Variants in BNIP3L observed in about 807,000 individuals in gnomAD.
BNIP3L encodes BCL2 interacting protein 3 like.
BNIP3L carries 10 observed loss-of-function variants against 25.5 expected under a neutral mutation model. The observed-to-expected ratio is 0.39, with a 90% CI of 0.24 to 0.67. The LOEUF is 0.67. BNIP3L is among the 30% of genes least tolerant of loss of function. BNIP3L has a pLI of 0.45. For missense variants in BNIP3L, 215 were observed against 270.9 expected (o/e 0.79, Z 1.45); for synonymous variants, 113 against 101.2 (o/e 1.12, Z -0.70).
Position 26,383,076 on chromosome 8 carries a change from G to C in BNIP3L, c.-55G>C, listed in dbSNP as rs572496113. 9 of 1,479,828 alleles carry C rather than the reference G, an allele frequency of 6.1e-6. No homozygotes were observed. The highest frequency in any genetic ancestry group is 4.8e-5 in the South Asian group (4 of 82,626). 91.7% of individuals were successfully genotyped at this position (1,479,828 alleles called of 1,614,324 possible). A position where few individuals can be genotyped will look rare whatever the true frequency, so the allele number is the denominator to read the frequency against. ...GGCGGACTCGGCTTGTTGTGTTGCT[G>C]CCTGAGTGCCGGAGACGGTCCTGCT... On this transcript the variant is annotated 5_prime_UTR_variant, in exon 1 of 6. Transcript: ENST00000380629.
chr8:26,407,940 CTTTGTA>C lies in BNIP3L; in HGVS notation c.358-57_358-52del, dbSNP rs1806536562. ...TGGTATCTTTTCTGTCTAGATTTTTCTTTGTATTAGGAGGAATTGGTCTTCCTTTTT... is the reference window on the plus strand; with the variant it reads ...TGGTATCTTTTCTGTCTAGATTTTTCTTAGGAGGAATTGGTCTTCCTTTTT... On this transcript the variant is annotated intron_variant, in intron 3 of 5. Coordinates refer to ENST00000380629, the MANE Select transcript of BNIP3L (RefSeq NM_004331.3). The C allele has an allele frequency of 3.7e-5, 54 of 1,454,294 alleles. No homozygotes were observed. The South Asian group carries it at 6.0e-4, about 16-fold the overall frequency. 90.1% of individuals were successfully genotyped at this position (1,454,294 alleles called of 1,614,324 possible). A position where few individuals can be genotyped will look rare whatever the true frequency, so the allele number is the denominator to read the frequency against.
chr8:26,408,455 G>A (rs1806547907), intron 5 of BNIP3L, 79 bp downstream of exon 5: 2 of 1,479,836 alleles, frequency 1.4e-6, no homozygotes, highest in Non-Finnish European at 1.8e-6. Flanking sequence ...GTATGTGAAA[G>A]CAGTTTTTAT....
chr8:26,403,531 CTTT>C (rs74738100), intron 3 of BNIP3L, among the ~76,000 whole-genome samples: 60 of 124,158 alleles, frequency 4.8e-4, no homozygotes, highest in Non-Finnish European at 5.8e-4. Flanking sequence ...TACTCAGTTT[CTTT>C]TTTTTTTTTT....
intron 3 of BNIP3L, among the ~76,000 whole-genome samples, chr8:26,398,957 G>A (rs1806309203): frequency 6.6e-6 from 1 of 151,200 alleles, no homozygotes; most frequent in Non-Finnish European, 1.5e-5. Flanking sequence ...TCCAGGACCA[G>A]ATGGATTCAC....
intron 5 of BNIP3L, among the ~76,000 whole-genome samples, chr8:26,409,047 C>G (rs924718064): frequency 4.6e-5 from 7 of 150,710 alleles, no homozygotes; most frequent in African/African-American, 1.7e-4. Context: ...AGTGCAAATA[C>G]CTTTTTTTCA....
At chr8:26,410,168 A>G (rs6995050) in intron 5 of BNIP3L, among the ~76,000 whole-genome samples, 196 bp from the exon 6 acceptor site, 2,784 of 152,254 alleles carry the variant, frequency 0.018, 104 homozygotes, top group African/African-American at 0.064. Flanking sequence ...ACAAACTCAT[A>G]TAAAACCAGT....
chr8:26,388,293 C>T lies in BNIP3L; in HGVS notation c.101-2950C>T, dbSNP rs140926277. On this transcript the variant is annotated intron_variant, in intron 1 of 5. Coordinates refer to ENST00000380629, the MANE Select transcript of BNIP3L (RefSeq NM_004331.3). The stretch of plus-strand genomic sequence containing the variant: ...CTTAGGGACCTTTCTTATTGTTCTG[C>T]GTGCTATATTCATTTAATCCTCCTA... 2.0e-5 allele frequency among the ~76,000 whole-genome samples: 3 copies of T among 152,240 alleles called. No individual in the cohort carries two copies. In the East Asian group the frequency reaches 5.8e-4, roughly 29 times the overall value.
At chr8:26,406,827 A>AG (rs1451857485) in intron 3 of BNIP3L, among the ~76,000 whole-genome samples, 4 of 152,036 alleles carry the variant, frequency 2.6e-5, no homozygotes, top group Non-Finnish European at 5.9e-5. Flanking sequence ...AAAAAAAAAA[A>AG]AATGCATGTA....
intron 3 of BNIP3L, among the ~76,000 whole-genome samples, chr8:26,400,673 A>G (rs1473082043): frequency 9.2e-6 from 1 of 108,992 alleles, no homozygotes; most frequent in African/African-American, 3.6e-5. Flanking sequence ...TCATCTGACA[A>G]AGGGCTAATA....
At chr8:26,395,094 A>C in intron 2 of BNIP3L, 136 bp from the exon 3 acceptor site, 3 of 716,514 alleles carry the variant, frequency 4.2e-6, no homozygotes, top group Non-Finnish European at 6.5e-6. Flanking sequence ...TTTCTTGTAT[A>C]GGGTTATGAT....
intron 3 of BNIP3L, among the ~76,000 whole-genome samples, chr8:26,404,190 C>G (rs1266748577): frequency 6.6e-6 from 1 of 152,186 alleles, no homozygotes; most frequent in Non-Finnish European, 1.5e-5. Context: ...AGAAAACAGA[C>G]TGTAGATTGT....
rs572496113 is a variant in BNIP3L at position 26,383,076 on chromosome 8, G to T, written c.-55G>T. On this transcript the variant is annotated 5_prime_UTR_variant, in exon 1 of 6. Transcript: ENST00000380629. ...GGCGGACTCGGCTTGTTGTGTTGCT[G>T]CCTGAGTGCCGGAGACGGTCCTGCT... is the stretch of plus-strand genomic sequence containing the variant. 1.1e-4 allele frequency: 164 copies of T among 1,479,946 alleles called. No homozygotes were observed. The highest frequency in any genetic ancestry group is 1.4e-4 in the Non-Finnish European group (149 of 1,088,084). The allele number at this position is 1,479,946 out of a possible 1,614,324, so 91.7% of individuals were successfully genotyped here.
chr8:26,404,759 C>T (rs1044724025), intron 3 of BNIP3L, among the ~76,000 whole-genome samples: 17 of 152,224 alleles, frequency 1.1e-4, no homozygotes, highest in Non-Finnish European at 1.9e-4. Flanking sequence ...CCGTCCACCT[C>T]GGCCTCCCTA....
chr8:26,389,432 A>G (rs556396496), intron 1 of BNIP3L, among the ~76,000 whole-genome samples: 2 of 151,844 alleles, frequency 1.3e-5, no homozygotes, highest in Non-Finnish European at 2.9e-5. Context: ...TAGCTTTGCT[A>G]GTTGTATTTG....
intron 1 of BNIP3L, among the ~76,000 whole-genome samples, chr8:26,384,188 C>T (rs1011050050): frequency 2.0e-5 from 3 of 152,178 alleles, no homozygotes; most frequent in East Asian, 1.9e-4. Flanking sequence ...TAATTCAACT[C>T]TTGGGAAAGA....
rs761729449 is a variant in BNIP3L at position 26,391,267 on chromosome 8, A to G, written c.125A>G (p.Asn42Ser). The change falls in exon 2 of 6, where the codon AAC becomes AGC. Residue 42 changes from asparagine to serine, a missense_variant. By Grantham distance (46) the Asn-to-Ser change is conservative. Transcript: ENST00000380629. ...LNSSWVELPM[N>S]SSNGNDNGNG... ...GGTTCCTGGGTGGAGCTACCCATGA[A>G]CAGCAGCAATGGCAATGATAATGGC... The G allele has an allele frequency of 1.4e-5, 23 of 1,610,412 alleles. No individual in the cohort carries two copies. The highest frequency in any genetic ancestry group is 1.9e-5 in the Non-Finnish European group (22 of 1,178,364).
At chr8:26,402,923 C>G (rs555779428) in intron 3 of BNIP3L, among the ~76,000 whole-genome samples, 50 of 152,268 alleles carry the variant, frequency 3.3e-4, no homozygotes, top group African/African-American at 1.1e-3. Context: ...CATGGAGTTG[C>G]AGATGTGCAA....
At chr8:26,409,236 T>A (rs566034814) in intron 5 of BNIP3L, among the ~76,000 whole-genome samples, 1 of 152,344 alleles carries the variant, frequency 6.6e-6, no homozygotes, top group East Asian at 1.9e-4. Context: ...AATTGCTTTT[T>A]TTCCTTGATT....
intron 3 of BNIP3L, among the ~76,000 whole-genome samples, chr8:26,396,495 A>G (rs1165498799): frequency 3.8e-4 from 46 of 120,312 alleles, no homozygotes; most frequent in Non-Finnish European, 6.4e-4. Flanking sequence ...ATCAAAGACC[A>G]AAAGTAGATA....
Sources: allele counts gnomAD v4.1 joint callset (sites outside exome capture counted in the v4.1 genomes callset), GRCh38; gene constraint gnomAD v4.1.1; transcripts MANE v1.5; gene names NCBI Gene and HGNC (gene_info 2026-07-23, HGNC 2026-07-21).